ITGB5: variants seen among roughly 807,000 people sequenced by gnomAD.
ITGB5 encodes integrin beta-5.
ITGB5 carries 38 observed loss-of-function variants against 84.8 expected under a neutral mutation model. The ratio of observed to expected loss-of-function variants is 0.45; its 90% CI spans 0.35 to 0.59. ITGB5 has a LOEUF of 0.59. Among genes scored for constraint, ITGB5 ranks in the 20% least tolerant of loss-of-function variants. The pLI is 0.01. For missense variants in ITGB5, 905 were observed against 1,034.5 expected, an observed-to-expected ratio of 0.87 and a Z score of 1.72; for synonymous variants, 393 against 414.4, an observed-to-expected ratio of 0.95 and a Z score of 0.63.
intron 2 of ITGB5, 91 bp from the exon 3 acceptor site, chr3:124,859,537 C>T: frequency 2.1e-6 from 2 of 934,408 alleles, no homozygotes; most frequent in Admixed American, 5.2e-5. Context: ...ATCTGGTTGA[C>T]CTTAAATTCT....
chr3:124,818,329 C>G (rs1490545071), intron 7 of ITGB5, among the ~76,000 whole-genome samples: 1 of 152,122 alleles, frequency 6.6e-6, no homozygotes, highest in Non-Finnish European at 1.5e-5. Flanking sequence ...CTCCCACCCT[C>G]TGCCTGCCTT....
chr3:124,896,799 G>C (rs1214913297), intron 1 of ITGB5, among the ~76,000 whole-genome samples: 1 of 149,882 alleles, frequency 6.7e-6, no homozygotes, highest in Non-Finnish European at 1.5e-5. Flanking sequence ...CGTGGCTCAT[G>C]CCTGTTATCC....
At chr3:124,781,026 T>G (rs758997799) in intron 10 of ITGB5, 4 of 152,390 alleles carry the variant, frequency 2.6e-5, no homozygotes, top group Non-Finnish European at 4.4e-5. Context: ...GTGCTTCAGT[T>G]CGCTGGTGTC....
chr3:124,785,433 A>C (rs1380010652), intron 10 of ITGB5, among the ~76,000 whole-genome samples: 6 of 151,962 alleles, frequency 3.9e-5, no homozygotes, highest in Non-Finnish European at 8.8e-5. Context: ...AATACACAAA[A>C]AATTAGCCAG....
Position 124,819,756 on chromosome 3 carries a change from G to A in ITGB5, c.1021C>T (p.His341Tyr). The A allele has an allele frequency of 1.9e-6, 3 of 1,612,250 alleles. No homozygotes were observed. Among genetic ancestry groups the A allele is most frequent in the Non-Finnish European group, 2.5e-6 (3 of 1,178,324 alleles). The change falls in exon 7 of 15, where the codon CAT becomes TAT. Residue 341 changes from histidine to tyrosine, a missense_variant. By Grantham distance (83) the His-to-Tyr change is moderately conservative. Around this residue, in one of 3 missense-constraint regions of ITGB5, gnomAD observed 656 missense variants for 734.7 expected, o/e 0.89. Transcript: ENST00000296181. Reference sequence around the variant, plus strand: ...CAGCATACCTTGTACAGCATATAATGGTTTTTTGTCACTGCAAAGATGAGG... The same window carrying A: ...CAGCATACCTTGTACAGCATATAATAGTTTTTTGTCACTGCAAAGATGAGG... Reference protein sequence around the residue: ...INLIFAVTKNHYMLYKNFTAL... With the variant: ...INLIFAVTKNYYMLYKNFTAL...
At position 124,761,997 on chromosome 3, in the gene ITGB5, C is replaced by T. The variant is rs866647532; in HGVS notation, c.*1626G>A. 2 of 152,282 alleles carry T rather than the reference C, an allele frequency of 1.3e-5. No homozygotes were observed. Among genetic ancestry groups the T allele is most frequent in the Middle Eastern group, 6.8e-3 (2 of 294 alleles). The allele number at this position is 152,282 out of a possible 1,614,324, so 9.4% of individuals were successfully genotyped here. A position where few individuals can be genotyped will look rare whatever the true frequency, so the allele number is the denominator to read the frequency against. On this transcript the variant is annotated 3_prime_UTR_variant, in exon 15 of 15. Coordinates refer to ENST00000296181, the MANE Select transcript of ITGB5 (RefSeq NM_002213.5). ...TTCTCAATTCAGAAAAGTCTCAACACCACAATTTATCTGTTTAATGTTTTC... is the reference window on the plus strand; with the variant it reads ...TTCTCAATTCAGAAAAGTCTCAACATCACAATTTATCTGTTTAATGTTTTC...
chr3:124,787,182 C>A (rs1417260430), intron 10 of ITGB5, among the ~76,000 whole-genome samples: 1 of 152,160 alleles, frequency 6.6e-6, no homozygotes, highest in Non-Finnish European at 1.5e-5. Context: ...GTTCTGTTGG[C>A]AAACTTCTCT....
At chr3:124,802,240 G>A (rs899600151) in intron 9 of ITGB5, among the ~76,000 whole-genome samples, 17 of 152,210 alleles carry the variant, frequency 1.1e-4, no homozygotes, top group Non-Finnish European at 5.9e-5. Flanking sequence ...TACTGAGTAC[G>A]AGTGGATGTC....
At chr3:124,833,446 C>T (rs1466273811) in intron 5 of ITGB5, among the ~76,000 whole-genome samples, 1 of 152,218 alleles carries the variant, frequency 6.6e-6, no homozygotes, top group Non-Finnish European at 1.5e-5. Context: ...TCTGCAGGCT[C>T]AAATCAAATC....
At chr3:124,800,826 C>T (rs2064303818) in intron 9 of ITGB5, among the ~76,000 whole-genome samples, 2 of 152,330 alleles carry the variant, frequency 1.3e-5, no homozygotes, top group South Asian at 2.1e-4. Context: ...TCCCCTGATT[C>T]CTGAGAACTT....
intron 8 of ITGB5, among the ~76,000 whole-genome samples, chr3:124,816,889 T>A (rs2064606430): frequency 6.6e-6 from 1 of 152,132 alleles, no homozygotes; most frequent in Non-Finnish European, 1.5e-5. Context: ...CTGAAAGGAC[T>A]TCATTACAAT....
chr3:124,788,480 C>T (rs1039435170), intron 10 of ITGB5, among the ~76,000 whole-genome samples: 6 of 152,150 alleles, frequency 3.9e-5, no homozygotes, highest in African/African-American at 9.7e-5. Context: ...CCACCCTGTA[C>T]GTGGTAGCCT....
chr3:124,797,253 C>T (rs1236462110), intron 9 of ITGB5, among the ~76,000 whole-genome samples: 1 of 152,238 alleles, frequency 6.6e-6, no homozygotes, highest in African/African-American at 2.4e-5. Context: ...GGCGCTGCCT[C>T]TGTGCCAGGC....
intron 6 of ITGB5, among the ~76,000 whole-genome samples, chr3:124,820,596 A>T (rs983330092): frequency 6.6e-6 from 1 of 152,138 alleles, no homozygotes; most frequent in Non-Finnish European, 1.5e-5. Context: ...TTCTCTAAGG[A>T]AGAAAATTGG....
At chr3:124,870,294 G>A (rs1000358218) in intron 2 of ITGB5, among the ~76,000 whole-genome samples, 2 of 152,214 alleles carry the variant, frequency 1.3e-5, no homozygotes, top group African/African-American at 4.8e-5. Flanking sequence ...TACTAAAGAA[G>A]CACAGAGTAC....
upstream of ITGB5, among the ~76,000 whole-genome samples, chr3:124,892,072 A>G (rs1488345358): frequency 2.0e-5 from 3 of 152,206 alleles, no homozygotes; most frequent in East Asian, 5.8e-4. Context: ...AAAATATTGT[A>G]TGATTCCACA....
intron 9 of ITGB5, among the ~76,000 whole-genome samples, chr3:124,798,055 C>CTTTTTATTTTT: frequency 9.6e-6 from 1 of 103,648 alleles, no homozygotes; most frequent in African/African-American, 4.0e-5. Context: ...TAGAATAAAG[C>CTTTTTATTTTT]TTTTTTTTTT....
At position 124,848,305 on chromosome 3, in the gene ITGB5, T is replaced by C; in HGVS notation, c.611+4A>G. On this transcript the variant is annotated splice_donor_region_variant and intron_variant, in intron 4 of 14. Transcript: ENST00000296181. ...ACCCAACAGAAGGGCAACTGGTCAC[T>C]TACCCAATGCACGGATTGGTCTGGT... 1 of 1,613,462 alleles carries C rather than the reference T, an allele frequency of 6.2e-7. No homozygotes were observed. The highest frequency in any genetic ancestry group is 1.7e-4 in the Middle Eastern group (1 of 6,058).
chr3:124,832,863 G>A (rs1471055350), intron 5 of ITGB5: 2 of 152,350 alleles, frequency 1.3e-5, no homozygotes, highest in African/African-American at 2.4e-5. Flanking sequence ...AATGAGGAAG[G>A]AAAGGGGACT....
Sources: allele counts gnomAD v4.1 joint callset (sites outside exome capture counted in the v4.1 genomes callset), GRCh38; gene constraint gnomAD v4.1.1; regional missense constraint gnomAD v4.1.1; transcripts MANE v1.5; gene names NCBI Gene and HGNC (gene_info 2026-07-23, HGNC 2026-07-21).